PVT1: variants seen among roughly 807,000 people sequenced by gnomAD.
The protein encoded by PVT1 is CXCR4/PVT1 fusion.
intron 1 of PVT1, chr8:127,794,826 G>T: frequency 6.5e-6 from 1 of 153,080 alleles, no homozygotes. Context: ...CGGAGGAAAG[G>T]GGCTTTCGGA....
chr8:127,874,819 C>T (rs1242700122), intron 2 of PVT1, among the ~76,000 whole-genome samples: 1 of 152,158 alleles, frequency 6.6e-6, no homozygotes, highest in Non-Finnish European at 1.5e-5. Context: ...GGGTACCCTT[C>T]CCACCTGCAG....
At chr8:127,945,155 C>A (rs1297442110) in intron 3 of PVT1, among the ~76,000 whole-genome samples, 7 of 152,110 alleles carry the variant, frequency 4.6e-5, no homozygotes, top group African/African-American at 1.7e-4. Context: ...TTAACCATTC[C>A]CCTGTTGAGA....
At chr8:127,984,594 A>G (rs576429449) in intron 3 of PVT1, among the ~76,000 whole-genome samples, 55 of 152,316 alleles carry the variant, frequency 3.6e-4, no homozygotes, top group African/African-American at 1.3e-3. Context: ...ACCCCAGTCC[A>G]GGAGCAGCTG....
At chr8:127,820,384 G>C (rs1021464185) in intron 2 of PVT1, among the ~76,000 whole-genome samples, 1 of 152,206 alleles carries the variant, frequency 6.6e-6, no homozygotes, top group Non-Finnish European at 1.5e-5. Flanking sequence ...GGATAAAAAT[G>C]TTGCCCAGCT....
chr8:127,937,576 C>CAGAGAGAGAGAGAG lies in PVT1; in HGVS notation n.782+46579_782+46580insGAGAGAGAGAGAGA, dbSNP rs774441674. 2.4e-3 allele frequency among the ~76,000 whole-genome samples: 295 copies of CAGAGAGAGAGAGAG among 122,454 alleles called. 3 individuals are homozygous for CAGAGAGAGAGAGAG. Among genetic ancestry groups the CAGAGAGAGAGAGAG allele is most frequent in the East Asian group, 5.6e-3 (25 of 4,450 alleles). The allele number at this position is 122,454 out of a possible 152,430, so 80.3% of individuals were successfully genotyped here. A position where few individuals can be genotyped will look rare whatever the true frequency, so the allele number is the denominator to read the frequency against. On this transcript the variant is annotated intron_variant and non_coding_transcript_variant, in intron 3 of 10. Transcript: ENST00000651587. ...ACACACACACACACACACACACACACACACAGAGAGAGAGAGAGAGAGAGA... is the reference window on the plus strand; with the variant it reads ...ACACACACACACACACACACACACACAGAGAGAGAGAGAGACACAGAGAGAGAGAGAGAGAGAGA...
At chr8:127,854,445 C>T (rs962439550) in intron 2 of PVT1, among the ~76,000 whole-genome samples, 7 of 152,194 alleles carry the variant, frequency 4.6e-5, no homozygotes, top group Admixed American at 2.6e-4. Flanking sequence ...GTGGGACCCT[C>T]CTGGGCTTTC....
intron 3 of PVT1, among the ~76,000 whole-genome samples, chr8:127,937,534 A>G (rs1412530838): frequency 7.3e-6 from 1 of 136,992 alleles, no homozygotes; most frequent in Admixed American, 7.2e-5. Context: ...GAAAATGCCC[A>G]CCCTAGGGAA....
intron 2 of PVT1, among the ~76,000 whole-genome samples, chr8:127,887,928 C>CTTTTTTTTTTTTTTTTTTTTTTTTTT (rs1328761205): frequency 1.8e-5 from 1 of 56,922 alleles, no homozygotes. Context: ...CTCACTCTAT[C>CTTTTTTTTTTTTTTTTTTTTTTTTTT]TTGTTTTTTT....
chr8:127,850,880 G>A (rs28559876), intron 2 of PVT1, among the ~76,000 whole-genome samples: 5,411 of 152,026 alleles, frequency 0.036, 260 homozygotes, highest in East Asian at 0.14. Flanking sequence ...GTAGGTGGGC[G>A]CCTGTAATTC....
rs59316636 is a variant in PVT1, at chr8:128,015,054, GATTTATTT to G, written n.912+25795_912+25802del. 6.1e-3 allele frequency among the ~76,000 whole-genome samples: 895 copies of G among 146,082 alleles called. 2 individuals are homozygous for G. Among genetic ancestry groups the G allele is most frequent in the African/African-American group, 0.013 (523 of 39,984 alleles). ...ACCTAAGAGAAAGAAAAGAGAAATAGATTTATTTATTTATTTATTTATTTATTTATTTA... is the reference window on the plus strand; with the variant it reads ...ACCTAAGAGAAAGAAAAGAGAAATAGATTTATTTATTTATTTATTTATTTA... On this transcript the variant is annotated intron_variant and non_coding_transcript_variant, in intron 4 of 10. Transcript: ENST00000651587.
intron 4 of PVT1, among the ~76,000 whole-genome samples, chr8:128,036,665 G>A (rs2130079840): frequency 6.6e-6 from 1 of 152,318 alleles, no homozygotes; most frequent in South Asian, 2.1e-4. Flanking sequence ...TTTTACCTCT[G>A]TAAGCTACTC....
intron 4 of PVT1, among the ~76,000 whole-genome samples, chr8:127,989,658 T>C (rs1232459741): frequency 6.6e-6 from 1 of 152,128 alleles, no homozygotes; most frequent in African/African-American, 2.4e-5. Context: ...ATAATCAGAT[T>C]GAAACACCTT....
chr8:127,932,838 C>T, intron 3 of PVT1: 2 of 244,902 alleles, frequency 8.2e-6, no homozygotes, highest in East Asian at 1.5e-4. Flanking sequence ...ATATGCGTAT[C>T]TATCTCCAAT....
chr8:127,919,033 G>A lies in PVT1; in HGVS notation n.782+28035G>A, dbSNP rs751904971. Among the ~76,000 whole-genome samples, 7 of 152,264 alleles carry A rather than the reference G, an allele frequency of 4.6e-5. No homozygotes were observed. In the South Asian group the frequency reaches 1.5e-3, roughly 32 times the overall value. ...GCTGTCCTGACACCCTTCTTCAGAT[G>A]ACCGCTGTCAGGTTGGTGAAGGCAG... On this transcript the variant is annotated intron_variant and non_coding_transcript_variant, in intron 3 of 10. Coordinates refer to ENST00000651587, the Ensembl canonical transcript of PVT1.
At position 127,996,830 on chromosome 8, in the gene PVT1, G is replaced by A. The variant is rs372279608; in HGVS notation, n.912+7539G>A. On this transcript the variant is annotated intron_variant and non_coding_transcript_variant, in intron 4 of 10. Coordinates refer to ENST00000651587, the Ensembl canonical transcript of PVT1. ...AGGGAGGTAGCACTTCTGTGAAGCC[G>A]GAAAGGAGACCTGAACCTGGCTCTC... Among the ~76,000 whole-genome samples, 24 of 152,108 alleles carry A rather than the reference G, an allele frequency of 1.6e-4. No homozygotes were observed. The South Asian group carries it at 4.2e-3, about 26-fold the overall frequency.
chr8:128,071,370 T>C (rs961134778), intron 5 of PVT1, among the ~76,000 whole-genome samples: 1 of 152,098 alleles, frequency 6.6e-6, no homozygotes, highest in Non-Finnish European at 1.5e-5. Context: ...TAACCTTGTG[T>C]TTCTGGCTAG....
At position 127,945,218 on chromosome 8, in the gene PVT1, A is replaced by G. The variant is rs551080595; in HGVS notation, n.783-43944A>G. Among the ~76,000 whole-genome samples, 59 of 152,042 alleles carry G rather than the reference A, an allele frequency of 3.9e-4. No homozygotes were observed. In the South Asian group the frequency reaches 0.012, roughly 31 times the overall value. ...TTCTTTCTTTCTTTTTTATTCTCCC[A>G]TATTACAAACACTGCTGGGAGGAAC... On this transcript the variant is annotated intron_variant and non_coding_transcript_variant, in intron 3 of 10. Coordinates refer to ENST00000651587, the Ensembl canonical transcript of PVT1.
At chr8:127,853,976 T>G (rs1815133446) in intron 2 of PVT1, among the ~76,000 whole-genome samples, 1 of 152,096 alleles carries the variant, frequency 6.6e-6, no homozygotes, top group Non-Finnish European at 1.5e-5. Context: ...TGTACGGCGT[T>G]TTCTCTTCCC....
At chr8:127,979,017 T>C (rs1276162420) in intron 3 of PVT1, among the ~76,000 whole-genome samples, 1 of 152,240 alleles carries the variant, frequency 6.6e-6, no homozygotes, top group Admixed American at 6.5e-5. Context: ...TTTAGCATTA[T>C]TGTTATTTGG....
Sources: allele counts gnomAD v4.1 joint callset (sites outside exome capture counted in the v4.1 genomes callset), GRCh38; gene constraint gnomAD v4.1.1; transcripts MANE v1.5; gene names NCBI Gene and HGNC (gene_info 2026-07-23, HGNC 2026-07-21).